The following PLEKHG7 variants were observed in gnomAD, a reference collection of about 807,000 sequenced individuals.
PLEKHG7 encodes the protein pleckstrin homology and RhoGEF domain containing G7, also known as pleckstrin homology domain-containing family G member 7.
In PLEKHG7, 77 loss-of-function variants were observed where a neutral mutation model predicts 85.2. The ratio of observed to expected loss-of-function variants is 0.90; its 90% confidence interval spans 0.75 to 1.09. The LOEUF (loss-of-function observed/expected upper bound fraction) is 1.09. Ranked by LOEUF, PLEKHG7 falls within the 50% of genes least tolerant of loss-of-function variation. The pLI, the probability that PLEKHG7 is intolerant of heterozygous loss-of-function variation, is 0.00. For synonymous variants in PLEKHG7, 301 were observed against 302.4 expected (o/e 1.00, Z 0.05); for missense variants, 777 against 804.3 (o/e 0.97, Z 0.41).
At chr12:92,760,461 T>C (rs1461876816) in intron 13 of PLEKHG7, among the ~76,000 whole-genome samples, 1 of 152,170 alleles carries the variant, frequency 6.6e-6, no homozygotes, top group Admixed American at 6.5e-5. Context: ...CTAAATGTTT[T>C]AGCTACTACT....
chr12:92,721,584 G>A (rs777745413), intron 3 of PLEKHG7: 2 of 1,179,612 alleles, frequency 1.7e-6, no homozygotes, highest in Non-Finnish European at 2.1e-6. Context: ...GGGAAAGCCA[G>A]TGGAAGGGTG....
At chr12:92,727,259 CT>C (rs1871843311) in intron 3 of PLEKHG7, among the ~76,000 whole-genome samples, 1 of 152,126 alleles carries the variant, frequency 6.6e-6, no homozygotes, top group African/African-American at 2.4e-5. Flanking sequence ...CTCCTTGCAT[CT>C]TTTTAAAAAC....
intron 3 of PLEKHG7, among the ~76,000 whole-genome samples, chr12:92,724,406 A>G (rs1871737762): frequency 6.6e-6 from 1 of 152,228 alleles, no homozygotes; most frequent in African/African-American, 2.4e-5. Context: ...ATCTTCTTAT[A>G]AAATCAAATC....
At chr12:92,761,654 GAAAGAAAGAAAGAAAGA>G (rs1873025726) in intron 13 of PLEKHG7, 81 bp from the exon 14 acceptor site, 5 of 1,198,184 alleles carry the variant, frequency 4.2e-6, no homozygotes, top group South Asian at 4.0e-5. Context: ...AAGAAAGAAA[GAAAGAAAGAAAGAAAGA>G]AAGAAAGAAA....
chr12:92,736,856 C>T (rs975993430), intron 6 of PLEKHG7, among the ~76,000 whole-genome samples: 12 of 152,120 alleles, frequency 7.9e-5, no homozygotes, highest in Admixed American at 4.6e-4. Context: ...TACTACTCTT[C>T]GTCTCTCTGG....
chr12:92,756,473 G>A (rs1165045705), intron 13 of PLEKHG7, 82 bp downstream of exon 13: 3 of 1,107,322 alleles, frequency 2.7e-6, no homozygotes, highest in Non-Finnish European at 4.1e-6. Context: ...AAGAGCAGGA[G>A]GACTTGTGTT....
At chr12:92,766,370 G>T (rs1873197255) in intron 15 of PLEKHG7, among the ~76,000 whole-genome samples, 1 of 152,184 alleles carries the variant, frequency 6.6e-6, no homozygotes, top group Non-Finnish European at 1.5e-5. Flanking sequence ...GTAAAGGAAG[G>T]TGCCAGAACA....
intron 3 of PLEKHG7, among the ~76,000 whole-genome samples, chr12:92,723,260 A>G (rs1871695850): frequency 1.3e-5 from 2 of 152,202 alleles, no homozygotes; most frequent in African/African-American, 4.8e-5. Flanking sequence ...TTACTTAACA[A>G]ATGTTTACTG....
chr12:92,741,068 G>T, intron 8 of PLEKHG7, 120 bp downstream of exon 8: 1 of 633,038 alleles, frequency 1.6e-6, no homozygotes. Flanking sequence ...TCCCAGTCAG[G>T]ACTTCAGGTT....
intron 8 of PLEKHG7, 25 bp downstream of exon 8, chr12:92,740,973 T>G (rs765663736): frequency 1.3e-6 from 2 of 1,504,294 alleles, no homozygotes; most frequent in Middle Eastern, 1.7e-4. Flanking sequence ...AAGATTCATG[T>G]TTTAACATTC....
At chr12:92,756,797 C>CTATATATATTATA (rs1872847803) in intron 13 of PLEKHG7, among the ~76,000 whole-genome samples, 1 of 152,148 alleles carries the variant, frequency 6.6e-6, no homozygotes, top group African/African-American at 2.4e-5. Context: ...ACAAGTTGTG[C>CTATATATATTATA]TAGGTAGGTA....
chr12:92,757,249 A>T (rs1431488910), intron 13 of PLEKHG7, among the ~76,000 whole-genome samples: 1 of 152,232 alleles, frequency 6.6e-6, no homozygotes, highest in East Asian at 1.9e-4. Context: ...GTAAGCACTC[A>T]AAAGAATGAT....
intron 12 of PLEKHG7, 109 bp downstream of exon 12, chr12:92,756,049 C>T (rs1404486531): frequency 1.2e-6 from 1 of 813,764 alleles, no homozygotes; most frequent in Non-Finnish European, 2.0e-6. Context: ...AAGAATAAAT[C>T]TAGTTTCATG....
At chr12:92,731,823 G>A (rs1872001414) in intron 4 of PLEKHG7, among the ~76,000 whole-genome samples, 1 of 152,192 alleles carries the variant, frequency 6.6e-6, no homozygotes, top group South Asian at 2.1e-4. Context: ...GTTTGCATGT[G>A]ATGGGGGCGT....
chr12:92,755,777 C>A, intron 11 of PLEKHG7, 48 bp from the exon 12 acceptor site: 1 of 1,234,016 alleles, frequency 8.1e-7, no homozygotes, highest in Non-Finnish European at 1.2e-6. Flanking sequence ...ATTTATACTG[C>A]AATGTCATAT....
rs916472694 is a variant in PLEKHG7, at chr12:92,770,975, A to G, written c.*780A>G. On this transcript the variant is annotated 3_prime_UTR_variant, in exon 17 of 17. Coordinates refer to ENST00000344636, the MANE Select transcript of PLEKHG7 (RefSeq NM_001377329.1). ...TGAAGAATGATGGTGTTTGCCATAA[A>G]AATACTTTCTGGTTTTGATTGGTGT... 2 of 144,462 alleles carry G rather than the reference A, an allele frequency of 1.4e-5. No homozygotes were observed. The highest frequency in any genetic ancestry group is 1.4e-4 in the Admixed American group (2 of 13,826). 8.9% of individuals were successfully genotyped at this position (144,462 alleles called of 1,614,324 possible).
At chr12:92,707,900 T>C (rs1871285315) in intron 3 of PLEKHG7, 1 of 619,082 alleles carries the variant, frequency 1.6e-6, no homozygotes, top group Non-Finnish European at 2.7e-6. Flanking sequence ...TATGCAGTCA[T>C]AGTTTTCATT....
At chr12:92,738,763 A>G (rs2136602392) in intron 7 of PLEKHG7, among the ~76,000 whole-genome samples, 1 of 152,330 alleles carries the variant, frequency 6.6e-6, no homozygotes, top group African/African-American at 2.4e-5. Flanking sequence ...ATGATGATCA[A>G]ATTAGTTTTC....
At chr12:92,728,821 T>C (rs908544599) in intron 3 of PLEKHG7, among the ~76,000 whole-genome samples, 172 bp from the exon 4 acceptor site, 4 of 152,164 alleles carry the variant, frequency 2.6e-5, no homozygotes, top group Non-Finnish European at 4.4e-5. Flanking sequence ...AATATCTCCA[T>C]ACTGTTTTCC....
Sources: gnomAD v4.1 joint callset for allele counts (sites outside exome capture counted in the v4.1 genomes callset) on GRCh38, gnomAD v4.1.1 for gene constraint, MANE v1.5 for transcripts, NCBI Gene and HGNC (gene_info 2026-07-23, HGNC 2026-07-21) for gene names.